The following TGFBI variants were observed in gnomAD, a reference collection of about 807,000 sequenced individuals.
TGFBI encodes transforming growth factor-beta-induced protein ig-h3.
A neutral mutation model predicts 73.7 loss-of-function variants in TGFBI; 50 were observed. The ratio of observed to expected loss-of-function variants is 0.68; its 90% CI spans 0.54 to 0.86. The LOEUF (loss-of-function observed/expected upper bound fraction) is 0.86. Ranked by LOEUF, TGFBI falls within the 40% of genes least tolerant of loss-of-function variation. TGFBI has a pLI of 0.00. For missense variants in TGFBI, 839 were observed against 877.0 expected, an observed-to-expected ratio of 0.96 and a Z score of 0.55; for synonymous variants, 362 against 360.5, an observed-to-expected ratio of 1.00 and a Z score of -0.05.
At chr5:136,061,648 C>G (rs752861303) in intron 15 of TGFBI, 69 bp downstream of exon 15, 13 of 1,305,584 alleles carry the variant, frequency 1.0e-5, no homozygotes, top group African/African-American at 5.8e-5. Context: ...CATAGAGGAG[C>G]CTCTCCAGCC....
intron 1 of TGFBI, among the ~76,000 whole-genome samples, chr5:136,033,269 G>C (rs971446956): frequency 6.6e-6 from 1 of 152,174 alleles, no homozygotes; most frequent in African/African-American, 2.4e-5. Context: ...CTTGAGCTGT[G>C]ATCTAAGTAA....
chr5:136,039,961 T>C (rs922929487), intron 2 of TGFBI, among the ~76,000 whole-genome samples: 3 of 152,234 alleles, frequency 2.0e-5, no homozygotes, highest in Non-Finnish European at 2.9e-5. Context: ...GAAACTATGA[T>C]GCCCTGTATG....
chr5:136,056,683 C>T lies in TGFBI; in HGVS notation c.1566C>T (p.Ile522=), dbSNP rs764361610. ...DNRFSMLVAA[I]QSAGLTETLN... is the part of the protein sequence containing the mutation. ...TCTACAGCATGCTGGTAGCTGCCAT[C>T]CAGTCTGCAGGACTGACGGAGACCC... Residue 522 remains isoleucine (I), a synonymous_variant, in exon 12 of 17, where the codon ATC becomes ATT. Transcript: ENST00000442011. 6.8e-6 allele frequency: 11 copies of T among 1,613,952 alleles called. No individual in the cohort carries two copies. In the East Asian group the frequency reaches 2.5e-4, roughly 36 times the overall value.
intron 2 of TGFBI, among the ~76,000 whole-genome samples, chr5:136,034,629 G>A (rs552270024): frequency 1.3e-5 from 2 of 151,908 alleles, no homozygotes; most frequent in Non-Finnish European, 2.9e-5. Flanking sequence ...TTACAATAGG[G>A]CTTGTTGATG....
At chr5:136,032,970 G>A (rs1342852264) in intron 1 of TGFBI, among the ~76,000 whole-genome samples, 1 of 152,056 alleles carries the variant, frequency 6.6e-6, no homozygotes, top group Non-Finnish European at 1.5e-5. Context: ...CTTTGGATCT[G>A]GGTAGTTTGG....
At position 136,061,481 on chromosome 5, in the gene TGFBI, C is replaced by A; in HGVS notation, c.1907-19C>A. On this transcript the variant is annotated intron_variant, in intron 14 of 16. Coordinates refer to ENST00000442011, the MANE Select transcript of TGFBI (RefSeq NM_000358.3). ...AATGGTTTCACTCTGGTCAAACCTG[C>A]CTTTTCTTTCCTCTTCAGCCAACAG... 1 of 1,581,130 alleles carries A rather than the reference C, an allele frequency of 6.3e-7. No individual in the cohort carries two copies. The highest frequency in any genetic ancestry group is 1.2e-5 in the South Asian group (1 of 86,628).
chr5:136,050,637 C>G (rs1308064883), intron 7 of TGFBI, among the ~76,000 whole-genome samples: 2 of 152,232 alleles, frequency 1.3e-5, no homozygotes, highest in African/African-American at 2.4e-5. Flanking sequence ...CCCCACCACA[C>G]TTTTCCTCTC....
chr5:136,059,254 A>T (rs1282594332), intron 13 of TGFBI, 40 bp downstream of exon 13: 1 of 1,601,062 alleles, frequency 6.2e-7, no homozygotes, highest in Admixed American at 1.7e-5. Flanking sequence ...AAATTTCCCC[A>T]GGGCAGGGCT....
intron 15 of TGFBI, among the ~76,000 whole-genome samples, chr5:136,062,191 G>A (rs1487288247): frequency 6.6e-6 from 1 of 152,180 alleles, no homozygotes; most frequent in East Asian, 1.9e-4. Flanking sequence ...GTCAGGTGGA[G>A]CCTCTTGGGA....
intron 13 of TGFBI, among the ~76,000 whole-genome samples, chr5:136,059,510 G>A (rs1751710123): frequency 6.6e-6 from 1 of 152,134 alleles, no homozygotes; most frequent in African/African-American, 2.4e-5. Flanking sequence ...TAGGCAACTA[G>A]TTATGTGACT....
intron 6 of TGFBI, 167 bp downstream of exon 6, chr5:136,047,587 T>G: frequency 1.3e-6 from 1 of 796,816 alleles, no homozygotes; most frequent in Non-Finnish European, 2.0e-6. Context: ...GACCAGACAT[T>G]CAGCTTGACC....
In TGFBI at chr5:136,047,031, C is replaced by T; in HGVS notation, c.624+16C>T. The T allele has an allele frequency of 6.2e-7, 1 of 1,609,392 alleles. No homozygotes were observed. Among genetic ancestry groups the T allele is most frequent in the South Asian group, 1.1e-5 (1 of 90,882 alleles). Reference sequence around the variant, plus strand: ...TCCTAATGGGGTAGGGGATCCCCAGCCATACTGCATGGCCCTTGGTGCATA... The same window carrying T: ...TCCTAATGGGGTAGGGGATCCCCAGTCATACTGCATGGCCCTTGGTGCATA... On this transcript the variant is annotated intron_variant, in intron 5 of 16. Transcript: ENST00000442011.
Position 136,063,270 on chromosome 5 carries a change from A to G in TGFBI, c.*44A>G. The G allele has an allele frequency of 6.4e-7, 1 of 1,565,136 alleles. No individual in the cohort carries two copies. The highest frequency in any genetic ancestry group is 1.1e-5 in the South Asian group (1 of 89,114). On this transcript the variant is annotated 3_prime_UTR_variant, in exon 17 of 17. Coordinates refer to ENST00000442011, the MANE Select transcript of TGFBI (RefSeq NM_000358.3). The stretch of plus-strand genomic sequence containing the variant: ...GAATGCACCACGGCAGCTCTCCGCC[A>G]ATTTCTCTCAGATTTCCACAGAGAC...
At position 136,035,447 on chromosome 5, in the gene TGFBI, C is replaced by G. The variant is rs1320570534; in HGVS notation, c.233+1586C>G. On this transcript the variant is annotated intron_variant, in intron 2 of 16. Coordinates refer to ENST00000442011, the MANE Select transcript of TGFBI (RefSeq NM_000358.3). ...GACCATCCTGGCTAACATGGTGAAACCCCGTCTCTACTAAAAAAATACAAA... is the reference window on the plus strand; with the variant it reads ...GACCATCCTGGCTAACATGGTGAAAGCCCGTCTCTACTAAAAAAATACAAA... Among the ~76,000 whole-genome samples, 6 of 151,956 alleles carry G rather than the reference C, an allele frequency of 3.9e-5. No homozygotes were observed. In the East Asian group the frequency reaches 1.2e-3, roughly 29 times the overall value.
At chr5:136,032,274 G>T (rs1751134580) in intron 1 of TGFBI, among the ~76,000 whole-genome samples, 2 of 152,104 alleles carry the variant, frequency 1.3e-5, no homozygotes, top group African/African-American at 4.8e-5. Context: ...TCCTTACATG[G>T]ATTCATTAAT....
chr5:136,037,421 A>G (rs1201951571), intron 2 of TGFBI, among the ~76,000 whole-genome samples: 1 of 152,172 alleles, frequency 6.6e-6, no homozygotes, highest in Non-Finnish European at 1.5e-5. Context: ...GCAAAGGTGC[A>G]GGAAATTGTG....
rs919949260 is a variant in TGFBI, at chr5:136,046,616, T to C, written c.459+121T>C. 14 of 1,343,256 alleles carry C rather than the reference T, an allele frequency of 1.0e-5. No individual in the cohort carries two copies. The African/African-American group carries it at 1.8e-4, about 17-fold the overall frequency. The allele number at this position is 1,343,256 out of a possible 1,614,324, so 83.2% of individuals were successfully genotyped here. ...CTACTGTTTCAGGAAGCTTTCTCCT[T>C]AACCCCTTAGAAAAGGCTGTGGAAC... is the stretch of plus-strand genomic sequence containing the variant. On this transcript the variant is annotated intron_variant, in intron 4 of 16. Transcript: ENST00000442011.
chr5:136,034,865 A>G (rs1751187171), intron 2 of TGFBI, among the ~76,000 whole-genome samples: 1 of 152,216 alleles, frequency 6.6e-6, no homozygotes, highest in Non-Finnish European at 1.5e-5. Context: ...GGGATGATTA[A>G]GAAACTCTAA....
intron 6 of TGFBI, 59 bp from the exon 7 acceptor site, chr5:136,049,380 T>A: frequency 6.3e-7 from 1 of 1,585,710 alleles, no homozygotes. Context: ...TGTGTGTGCA[T>A]CTTCTGTGGG....
Sources: gnomAD v4.1 joint callset for allele counts (sites outside exome capture counted in the v4.1 genomes callset) on GRCh38, gnomAD v4.1.1 for gene constraint, MANE v1.5 for transcripts, NCBI Gene and HGNC (gene_info 2026-07-23, HGNC 2026-07-21) for gene names.